The following ZFHX4 variants were observed in gnomAD, a reference collection of about 807,000 sequenced individuals.
The protein encoded by ZFHX4 is zinc finger homeobox protein 4.
ZFHX4 carries 56 observed loss-of-function variants against 267.6 expected under a neutral mutation model. That is an observed-to-expected ratio of 0.21 (90% confidence interval 0.17 to 0.26). The LOEUF is 0.26. Among genes scored for constraint, ZFHX4 ranks in the 10% least tolerant of loss-of-function variants. The pLI is 1.00. For synonymous variants in ZFHX4, 1,778 were observed against 1,665.6 expected (o/e 1.07, Z -1.64); for missense variants, 4,332 against 4,420.0 (o/e 0.98, Z 0.56).
Position 76,706,556 on chromosome 8 carries a change from A to G in ZFHX4, c.2468A>G (p.Tyr823Cys), listed in dbSNP as rs890890505. The change falls in exon 2 of 11, where the codon TAC (tyrosine) becomes TGC (cysteine). Residue 823 changes from tyrosine to cysteine, a missense_variant. Around this residue, in one of 7 missense-constraint regions of ZFHX4, gnomAD observed 1,195 missense variants for 1,173.6 expected, o/e 1.02. Transcript: ENST00000651372. ...LAPAEAELYQ[Y>C]YLAQNIGLTG... ...CCGGCGGAAGCAGAGCTTTATCAGTACTACCTAGCCCAGAACATAGGCCTG... is the reference window on the plus strand; with the variant it reads ...CCGGCGGAAGCAGAGCTTTATCAGTGCTACCTAGCCCAGAACATAGGCCTG... 2 of 1,612,684 alleles carry G rather than the reference A, an allele frequency of 1.2e-6. No homozygotes were observed. The highest frequency in any genetic ancestry group is 1.7e-6 in the Non-Finnish European group (2 of 1,179,460).
chr8:76,697,551 T>C (rs769242698), intron 1 of ZFHX4, among the ~76,000 whole-genome samples: 12 of 152,020 alleles, frequency 7.9e-5, no homozygotes, highest in Non-Finnish European at 1.2e-4. Context: ...CCAAAAATGA[T>C]CGATGCGGTT....
intron 3 of ZFHX4, 144 bp from the exon 4 acceptor site, chr8:76,778,064 G>A: frequency 1.6e-6 from 1 of 624,190 alleles, no homozygotes; most frequent in Non-Finnish European, 2.9e-6. Flanking sequence ...CTTTTCAGGT[G>A]GTAGGCTGGG....
intron 3 of ZFHX4, among the ~76,000 whole-genome samples, chr8:76,738,547 G>T (rs1399966599): frequency 6.6e-6 from 1 of 151,994 alleles, no homozygotes; most frequent in Non-Finnish European, 1.5e-5. Context: ...CATATTTCTT[G>T]TATAAAGCCA....
chr8:76,768,406 A>G (rs1810145236), intron 3 of ZFHX4, among the ~76,000 whole-genome samples: 1 of 152,168 alleles, frequency 6.6e-6, no homozygotes, highest in Admixed American at 6.6e-5. Flanking sequence ...TCACTTTGTG[A>G]TTATACTCAA....
chr8:76,706,346 G>T lies in ZFHX4; in HGVS notation c.2258G>T (p.Cys753Phe). The T allele has an allele frequency of 6.2e-7, 1 of 1,614,016 alleles. No homozygotes were observed. Among genetic ancestry groups the T allele is most frequent in the Non-Finnish European group, 8.5e-7 (1 of 1,179,942 alleles). Residue 753 changes from cysteine (C) to phenylalanine (F), a missense_variant, in exon 2 of 11, where the codon TGC (cysteine) becomes TTC (phenylalanine). Cys to Phe is a radical substitution (Grantham distance 205). Coordinates refer to ENST00000651372, the MANE Select transcript of ZFHX4 (RefSeq NM_024721.5). ...APAPNTSLSG[C>F]GTPSPSKPKQ... ...GCCCCCAACACCAGCCTCAGTGGCTGCGGAACACCCTCTCCGTCCAAACCC... is the reference window on the plus strand; with the variant it reads ...GCCCCCAACACCAGCCTCAGTGGCTTCGGAACACCCTCTCCGTCCAAACCC...
rs754088730 is a variant in ZFHX4 at position 76,854,515 on chromosome 8, C to T, written c.7594C>T (p.Pro2532Ser). The change falls in exon 10 of 11, where the codon CCC becomes TCC. Residue 2532 changes from proline to serine, a missense_variant. Around this residue, in one of 7 missense-constraint regions of ZFHX4, gnomAD observed 1,648 missense variants for 1,625.0 expected, o/e 1.01. Coordinates refer to ENST00000651372, the MANE Select transcript of ZFHX4 (RefSeq NM_024721.5). ...CCTTCACTCTCCGTTCTTGGAAAGG[C>T]CCATGGACATGCCCTACATGATATT... ...QFLHSPFLER[P>S]MDMPYMIFDP... 1.2e-6 allele frequency: 2 copies of T among 1,613,856 alleles called. No individual in the cohort carries two copies. The highest frequency in any genetic ancestry group is 8.5e-7 in the Non-Finnish European group (1 of 1,179,860).
intron 3 of ZFHX4, among the ~76,000 whole-genome samples, chr8:76,763,883 G>A (rs527830752): frequency 1.3e-5 from 2 of 152,142 alleles, no homozygotes; most frequent in African/African-American, 4.8e-5. Context: ...TACCATAAGT[G>A]CAATCCACCA....
chr8:76,763,397 T>G (rs1333370091), intron 3 of ZFHX4, among the ~76,000 whole-genome samples: 2 of 152,006 alleles, frequency 1.3e-5, no homozygotes, highest in African/African-American at 4.8e-5. Flanking sequence ...CTGAGGTGAG[T>G]AGATCACTTG....
At position 76,706,195 on chromosome 8, in the gene ZFHX4, G is replaced by A; in HGVS notation, c.2107G>A (p.Val703Ile). Reference protein sequence around the residue: ...TCGYKPFRCEVCNYSTTTKGN... With the variant: ...TCGYKPFRCEICNYSTTTKGN... ...TGGCTATAAACCCTTCCGTTGTGAG[G>A]TTTGTAACTACTCTACCACTACCAA... Residue 703 changes from valine to isoleucine, a missense_variant, in exon 2 of 11, where the codon GTT (valine) becomes ATT (isoleucine). Coordinates refer to ENST00000651372, the MANE Select transcript of ZFHX4 (RefSeq NM_024721.5). 1 of 1,614,062 alleles carries A rather than the reference G, an allele frequency of 6.2e-7. No individual in the cohort carries two copies. The highest frequency in any genetic ancestry group is 8.5e-7 in the Non-Finnish European group (1 of 1,180,010).
chr8:76,747,490 G>C (rs192446510), intron 3 of ZFHX4, among the ~76,000 whole-genome samples: 1 of 152,210 alleles, frequency 6.6e-6, no homozygotes, highest in Admixed American at 6.5e-5. Flanking sequence ...GTGTTCTCAA[G>C]TTAACCTAAA....
At chr8:76,739,178 G>C (rs186883192) in intron 3 of ZFHX4, among the ~76,000 whole-genome samples, 1 of 152,224 alleles carries the variant, frequency 6.6e-6, no homozygotes, top group African/African-American at 2.4e-5. Context: ...ACAGGGTTAG[G>C]ATACTTAGAA....
intron 4 of ZFHX4, among the ~76,000 whole-genome samples, chr8:76,806,172 A>G (rs1436600889): frequency 6.6e-6 from 1 of 152,084 alleles, no homozygotes; most frequent in African/African-American, 2.4e-5. Context: ...CTCCTTTTCT[A>G]TCACTGTTAA....
intron 4 of ZFHX4, among the ~76,000 whole-genome samples, chr8:76,830,962 C>T (rs888702519): frequency 1.3e-5 from 2 of 152,274 alleles, no homozygotes; most frequent in African/African-American, 2.4e-5. Context: ...CAACTAGATA[C>T]ATTGAAAATT....
In ZFHX4 at chr8:76,866,460, AT is replaced by A. The variant is rs11419240; in HGVS notation, c.*1909del. 0.034 allele frequency: 4,779 copies of A among 141,640 alleles called. 134 individuals are homozygous for A. The highest frequency in any genetic ancestry group is 0.08 in the African/African-American group (3,109 of 39,016). 8.8% of individuals were successfully genotyped at this position (141,640 alleles called of 1,614,324 possible). A position where few individuals can be genotyped will look rare whatever the true frequency, so the allele number is the denominator to read the frequency against. On this transcript the variant is annotated 3_prime_UTR_variant, in exon 11 of 11. Transcript: ENST00000651372. ...AACTTTTTTAATGTCTTTAATTTGG[AT>A]TTTTTTTTTTTTTAGTATTTTAACA...
intron 4 of ZFHX4, among the ~76,000 whole-genome samples, chr8:76,824,001 C>T (rs1811721633): frequency 6.6e-6 from 1 of 152,172 alleles, no homozygotes; most frequent in Non-Finnish European, 1.5e-5. Flanking sequence ...TAGCAACTTA[C>T]ATTTCATCCT....
At chr8:76,753,464 G>C (rs1441794938) in intron 3 of ZFHX4, among the ~76,000 whole-genome samples, 2 of 151,822 alleles carry the variant, frequency 1.3e-5, no homozygotes, top group Non-Finnish European at 2.9e-5. Flanking sequence ...TTAGCCAAAA[G>C]AAAAATAAGC....
At chr8:76,741,180 G>A (rs997832466) in intron 3 of ZFHX4, among the ~76,000 whole-genome samples, 8 of 152,148 alleles carry the variant, frequency 5.3e-5, no homozygotes, top group African/African-American at 1.7e-4. Context: ...TATACAGAGG[G>A]TTCAGAATAT....
intron 4 of ZFHX4, 101 bp downstream of exon 4, chr8:76,778,540 A>G (rs1423430890): frequency 1.0e-6 from 1 of 970,342 alleles, no homozygotes; most frequent in East Asian, 2.5e-5. Flanking sequence ...AAACTCTCCA[A>G]CTCGAGCCTG....
intron 4 of ZFHX4, among the ~76,000 whole-genome samples, chr8:76,818,921 A>C: frequency 6.6e-6 from 1 of 152,048 alleles, no homozygotes; most frequent in Non-Finnish European, 1.5e-5. Context: ...TGCCTAAAAA[A>C]AAAGAAAAGA....
Sources: allele counts gnomAD v4.1 joint callset (sites outside exome capture counted in the v4.1 genomes callset), GRCh38; gene constraint gnomAD v4.1.1; regional missense constraint gnomAD v4.1.1; transcripts MANE v1.5; gene names NCBI Gene and HGNC (gene_info 2026-07-23, HGNC 2026-07-21).